SNX16: variants seen among roughly 807,000 people sequenced by gnomAD.
SNX16 encodes sorting nexin-16.
A neutral mutation model predicts 36.7 loss-of-function variants in SNX16; 35 were observed. That is an observed-to-expected ratio of 0.95 (90% CI 0.73 to 1.27). SNX16 has a LOEUF of 1.27. Among genes scored for constraint, SNX16 ranks in the 50% most tolerant of loss-of-function variants. The probability of loss-of-function intolerance (pLI) is 0.00; values close to 1 mark genes in which losing one functional copy is unlikely to be tolerated. For synonymous variants in SNX16, 134 were observed against 132.0 expected (o/e 1.02, Z -0.10); for missense variants, 367 against 393.6 (o/e 0.93, Z 0.57).
chr8:81,808,499 C>A (rs1810074935), intron 5 of SNX16: 2 of 961,830 alleles, frequency 2.1e-6, no homozygotes, highest in Admixed American at 1.7e-5. Flanking sequence ...GTGGGGATGG[C>A]TATAAGGGAT....
chr8:81,840,049 G>A lies in SNX16; in HGVS notation c.-63C>T. On this transcript the variant is annotated 5_prime_UTR_variant, in exon 2 of 8. Coordinates refer to ENST00000345957, the MANE Select transcript of SNX16 (RefSeq NM_152836.3). ...AGTCCACTTAGAGAACAACTAATAT[G>A]CAATCCATTATTTTCTTCTTAGGAA... The A allele has an allele frequency of 6.7e-7, 1 of 1,496,228 alleles. No homozygotes were observed. The highest frequency in any genetic ancestry group is 8.9e-7 in the Non-Finnish European group (1 of 1,123,224). 92.7% of individuals were successfully genotyped at this position (1,496,228 alleles called of 1,614,324 possible). A position where few individuals can be genotyped will look rare whatever the true frequency, so the allele number is the denominator to read the frequency against.
chr8:81,832,470 C>T (rs1205277299), intron 2 of SNX16, among the ~76,000 whole-genome samples: 1 of 152,094 alleles, frequency 6.6e-6, no homozygotes, highest in Non-Finnish European at 1.5e-5. Flanking sequence ...ATGCTCACTA[C>T]TTGGGTGATG....
chr8:81,823,883 C>T lies in SNX16; in HGVS notation c.520G>A (p.Asp174Asn). Residue 174 changes from aspartate (D) to asparagine (N), a missense_variant, in exon 4 of 8, where the codon GAT (aspartate) becomes AAT (asparagine). Asp to Asn is a conservative substitution (Grantham distance 23). Coordinates refer to ENST00000345957, the MANE Select transcript of SNX16 (RefSeq NM_152836.3). Reference protein sequence around the residue: ...LALPPKRWFKDNYNADFLEDR... With the variant: ...LALPPKRWFKNNYNADFLEDR... Reference sequence around the variant, plus strand: ...TCTAAAAAGTCAGCATTGTAATTATCTTTAAACCAGCGTTTTGGAGGAAGT... The same window carrying T: ...TCTAAAAAGTCAGCATTGTAATTATTTTTAAACCAGCGTTTTGGAGGAAGT... 1 of 1,611,934 alleles carries T rather than the reference C, an allele frequency of 6.2e-7. No homozygotes were observed. Among genetic ancestry groups the T allele is most frequent in the Non-Finnish European group, 8.5e-7 (1 of 1,178,996 alleles).
intron 5 of SNX16, among the ~76,000 whole-genome samples, chr8:81,814,158 G>T (rs931683851): frequency 1.3e-5 from 2 of 151,826 alleles, no homozygotes; most frequent in African/African-American, 2.4e-5. Flanking sequence ...CACAAAACTG[G>T]AAACAATCCA....
intron 4 of SNX16, among the ~76,000 whole-genome samples, chr8:81,822,973 TATAC>T (rs1471347985): frequency 1.4e-5 from 2 of 147,072 alleles, no homozygotes; most frequent in African/African-American, 4.9e-5. Flanking sequence ...TATATATATA[TATAC>T]ACATATGTGT....
intron 3 of SNX16, among the ~76,000 whole-genome samples, chr8:81,827,370 C>G (rs1457264682): frequency 1.3e-5 from 2 of 151,942 alleles, no homozygotes; most frequent in East Asian, 3.8e-4. Flanking sequence ...TGAAATTAGT[C>G]TGCATGATCA....
At chr8:81,836,457 T>C (rs1811500857) in intron 2 of SNX16, among the ~76,000 whole-genome samples, 1 of 152,264 alleles carries the variant, frequency 6.6e-6, no homozygotes, top group East Asian at 1.9e-4. Flanking sequence ...ACATATCAAA[T>C]CTAGCATGTC....
chr8:81,839,468 T>C (rs1811637734), intron 2 of SNX16, 144 bp downstream of exon 2: 1 of 858,722 alleles, frequency 1.2e-6, no homozygotes. Context: ...TACAACATGA[T>C]AGAATTCAGT....
chr8:81,829,351 G>GA (rs1255713209), intron 3 of SNX16, 79 bp downstream of exon 3: 2 of 552,934 alleles, frequency 3.6e-6, no homozygotes, highest in East Asian at 3.8e-5. Flanking sequence ...CATTAACAAA[G>GA]AAAAAATATA....
chr8:81,841,272 C>T (rs1289004116), intron 1 of SNX16, among the ~76,000 whole-genome samples: 1 of 143,272 alleles, frequency 7.0e-6, no homozygotes, highest in Non-Finnish European at 1.5e-5. Context: ...ACCCGGGAGG[C>T]GGAGGTTGCA....
rs1809615033 is a variant in SNX16 at position 81,800,034 on chromosome 8, A to T, written c.*1463T>A. 6.6e-6 allele frequency: 1 copy of T among 151,944 alleles called. No individual in the cohort carries two copies. The highest frequency in any genetic ancestry group is 6.5e-5 in the Admixed American group (1 of 15,270). 9.4% of individuals were successfully genotyped at this position (151,944 alleles called of 1,614,324 possible). On this transcript the variant is annotated 3_prime_UTR_variant, in exon 8 of 8. Transcript: ENST00000345957. ...GACTAAAAATTTTTGGTTATTTGGT[A>T]AAAAGTGATCTCCTTTTTACTTCAA...
chr8:81,809,317 T>C (rs1018356999), intron 5 of SNX16, among the ~76,000 whole-genome samples: 6 of 152,204 alleles, frequency 3.9e-5, no homozygotes, highest in Non-Finnish European at 8.8e-5. Context: ...ATAAAAATGA[T>C]TGTTGGCACA....
At chr8:81,822,965 T>C (rs548031686) in intron 4 of SNX16, among the ~76,000 whole-genome samples, 4 of 57,054 alleles carry the variant, frequency 7.0e-5, no homozygotes, top group Non-Finnish European at 3.7e-5. Flanking sequence ...TATATATATA[T>C]ATATATATAT....
intron 7 of SNX16, among the ~76,000 whole-genome samples, 175 bp downstream of exon 7, chr8:81,802,202 GTTT>G (rs961942883): frequency 6.6e-6 from 1 of 151,532 alleles, no homozygotes; most frequent in African/African-American, 2.4e-5. Context: ...TTTTTAAAGT[GTTT>G]TTATTTTTAA....
At chr8:81,803,503 T>C (rs1043503667) in intron 5 of SNX16, among the ~76,000 whole-genome samples, 4 of 152,014 alleles carry the variant, frequency 2.6e-5, no homozygotes, top group African/African-American at 9.7e-5. Flanking sequence ...GAGTATGTGA[T>C]ATCCCTCTAG....
intron 4 of SNX16, 67 bp downstream of exon 4, chr8:81,823,725 T>A: frequency 7.2e-7 from 1 of 1,380,928 alleles, no homozygotes; most frequent in Non-Finnish European, 9.8e-7. Flanking sequence ...TGATCATAGA[T>A]TTATTCTTTA....
chr8:81,808,668 C>T (rs56131819), intron 5 of SNX16: 84,744 of 997,562 alleles, frequency 0.085, 4,375 homozygotes, highest in Admixed American at 0.17. Context: ...TGCCAAACCA[C>T]GAAACCAAGG....
At chr8:81,839,485 A>G in intron 2 of SNX16, 127 bp downstream of exon 2, 1 of 1,049,740 alleles carries the variant, frequency 9.5e-7, no homozygotes, top group Non-Finnish European at 1.4e-6. Context: ...CAGTGGTGTA[A>G]AAACCATTAG....
chr8:81,820,688 C>T (rs1810701901), intron 4 of SNX16, among the ~76,000 whole-genome samples: 1 of 151,056 alleles, frequency 6.6e-6, no homozygotes, highest in Non-Finnish European at 1.5e-5. Flanking sequence ...TACTGCTTGA[C>T]CATTGCAAAC....
Sources: gnomAD v4.1 joint callset for allele counts (sites outside exome capture counted in the v4.1 genomes callset) on GRCh38, gnomAD v4.1.1 for gene constraint, MANE v1.5 for transcripts, NCBI Gene and HGNC (gene_info 2026-07-23, HGNC 2026-07-21) for gene names.